The following SFMBT1 variants were observed in gnomAD, a reference collection of about 807,000 sequenced individuals.
SFMBT1 encodes Scm like with four mbt domains 1, also known as scm-like with four MBT domains protein 1.
In SFMBT1, 32 loss-of-function variants were observed where a neutral mutation model predicts 108.7. The ratio of observed to expected loss-of-function variants is 0.29; its 90% CI spans 0.22 to 0.40. The LOEUF is 0.40. Ranked by LOEUF, SFMBT1 falls within the 10% of genes least tolerant of loss-of-function variation. The pLI is 1.00. For synonymous variants in SFMBT1, 348 were observed against 369.5 expected (o/e 0.94, Z 0.67); for missense variants, 816 against 1,059.6 (o/e 0.77, Z 3.19).
chr3:52,955,134 G>A (rs1703737109), intron 2 of SFMBT1, among the ~76,000 whole-genome samples: 1 of 151,876 alleles, frequency 6.6e-6, no homozygotes, highest in South Asian at 2.1e-4. Flanking sequence ...CTGGTTTTTT[G>A]AAAAAATTAA....
chr3:52,938,901 G>A (rs1703102612), intron 4 of SFMBT1, among the ~76,000 whole-genome samples: 1 of 152,148 alleles, frequency 6.6e-6, no homozygotes, highest in Admixed American at 6.5e-5. Flanking sequence ...GCCTTAGGAA[G>A]GGCTCATGGG....
chr3:52,974,826 T>C (rs928733477), intron 1 of SFMBT1, among the ~76,000 whole-genome samples: 6 of 57,508 alleles, frequency 1.0e-4, no homozygotes, highest in Admixed American at 2.1e-4. Context: ...CCTGTCTCTA[T>C]AAAAAGTAAA....
intron 1 of SFMBT1, among the ~76,000 whole-genome samples, chr3:53,004,196 T>C (rs1698656142): frequency 6.7e-6 from 1 of 148,958 alleles, no homozygotes; most frequent in Admixed American, 6.8e-5. Context: ...CTTCCTTCCT[T>C]CCTTCTTCCC....
intron 1 of SFMBT1, among the ~76,000 whole-genome samples, chr3:52,983,351 T>C (rs538859702): frequency 1.3e-5 from 2 of 152,342 alleles, no homozygotes; most frequent in East Asian, 3.9e-4. Flanking sequence ...ATATATAACA[T>C]ATAAAATACG....
chr3:52,945,136 T>TAAAAAAAAAAAATAAAAA (rs1553636663), intron 3 of SFMBT1, among the ~76,000 whole-genome samples: 1 of 48,512 alleles, frequency 2.1e-5, no homozygotes, highest in Non-Finnish European at 4.5e-5. Context: ...ACCTTCCAAT[T>TAAAAAAAAAAAATAAAAA]AAAAAAAAAA....
At chr3:52,918,883 T>A (rs1213228129) in intron 12 of SFMBT1, among the ~76,000 whole-genome samples, 2 of 152,062 alleles carry the variant, frequency 1.3e-5, no homozygotes, top group African/African-American at 4.8e-5. Context: ...ACTGGCTTCA[T>A]GGAAGACAAT....
intron 1 of SFMBT1, among the ~76,000 whole-genome samples, chr3:52,987,294 G>A (rs1704958941): frequency 6.6e-6 from 1 of 152,092 alleles, no homozygotes; most frequent in Non-Finnish European, 1.5e-5. Context: ...TATATATTAT[G>A]ATCAAGTATT....
At chr3:53,017,183 A>G (rs913277483) in intron 1 of SFMBT1, among the ~76,000 whole-genome samples, 1 of 152,208 alleles carries the variant, frequency 6.6e-6, no homozygotes, top group African/African-American at 2.4e-5. Flanking sequence ...AAACACACCC[A>G]AGCTGTTAGA....
At chr3:53,001,707 A>G (rs1698552789) in intron 1 of SFMBT1, among the ~76,000 whole-genome samples, 1 of 148,756 alleles carries the variant, frequency 6.7e-6, no homozygotes, top group African/African-American at 2.4e-5. Flanking sequence ...CAGGAGTTTG[A>G]GACCAGCCTG....
At chr3:53,041,185 G>A (rs1036563971) in intron 1 of SFMBT1, among the ~76,000 whole-genome samples, 1 of 151,346 alleles carries the variant, frequency 6.6e-6, no homozygotes, top group Non-Finnish European at 1.5e-5. Flanking sequence ...AACTAAATAA[G>A]GTTATAAACA....
chr3:52,929,641 G>A (rs986687371), intron 8 of SFMBT1, among the ~76,000 whole-genome samples: 2 of 152,148 alleles, frequency 1.3e-5, no homozygotes, highest in African/African-American at 4.8e-5. Context: ...ATCCCTCCTT[G>A]CTTTGAGAAT....
At chr3:53,022,958 G>T (rs548768708) in intron 1 of SFMBT1, among the ~76,000 whole-genome samples, 1 of 152,214 alleles carries the variant, frequency 6.6e-6, no homozygotes, top group African/African-American at 2.4e-5. Context: ...ACTTAAAAAT[G>T]GTTAAGATGC....
Position 53,045,937 on chromosome 3 carries a change from G to C in SFMBT1, c.-252C>G, listed in dbSNP as rs944521596. The C allele has an allele frequency of 7.3e-5, 11 of 150,908 alleles. No homozygotes were observed. The highest frequency in any genetic ancestry group is 6.6e-4 in the Admixed American group (10 of 15,180). The allele number at this position is 150,908 out of a possible 1,614,324, so 9.3% of individuals were successfully genotyped here. ...CGCGGAAGCTTTTTCCTCCCGTGCTGCCCGCGCTCGCCCGCTCGCGCCCTC... is the reference window on the plus strand; with the variant it reads ...CGCGGAAGCTTTTTCCTCCCGTGCTCCCCGCGCTCGCCCGCTCGCGCCCTC... On this transcript the variant is annotated 5_prime_UTR_variant, in exon 1 of 21. Transcript: ENST00000394752.
chr3:52,989,187 G>A (rs910825152), intron 1 of SFMBT1, among the ~76,000 whole-genome samples: 1 of 151,968 alleles, frequency 6.6e-6, no homozygotes, highest in African/African-American at 2.4e-5. Context: ...ATATTACAAA[G>A]GTGGCCAGTT....
In SFMBT1 at chr3:52,928,389, T is replaced by A. The variant is rs756274364; in HGVS notation, c.898-48A>T. 5 of 1,587,768 alleles carry A rather than the reference T, an allele frequency of 3.1e-6. 1 individual carries two copies. In the South Asian group the frequency reaches 4.5e-5, roughly 14 times the overall value. On this transcript the variant is annotated intron_variant, in intron 8 of 20. Transcript: ENST00000394752. ...AAATAGACAAATGCACACATATATA[T>A]GTGCTTTCTCCTTGGCACAGCCAAA...
intron 16 of SFMBT1, 90 bp from the exon 17 acceptor site, chr3:52,911,268 T>A: frequency 1.5e-6 from 2 of 1,372,220 alleles, no homozygotes; most frequent in South Asian, 1.4e-5. Context: ...AAAAAATATT[T>A]TTGCTTCTTG....
Position 52,910,995 on chromosome 3 carries a change from T to C in SFMBT1, c.1906+8A>G. The C allele has an allele frequency of 6.2e-7, 1 of 1,613,814 alleles. No homozygotes were observed. Among genetic ancestry groups the C allele is most frequent in the Non-Finnish European group, 8.5e-7 (1 of 1,179,750 alleles). ...CTATGGTTAACACATTGGAAAAACATGACTCACTGTATTTGGTCTTTGTAA... is the reference window on the plus strand; with the variant it reads ...CTATGGTTAACACATTGGAAAAACACGACTCACTGTATTTGGTCTTTGTAA... On this transcript the variant is annotated splice_region_variant and intron_variant, in intron 17 of 20. Coordinates refer to ENST00000394752, the MANE Select transcript of SFMBT1 (RefSeq NM_016329.4).
chr3:52,968,001 A>G (rs1193312230), intron 2 of SFMBT1, among the ~76,000 whole-genome samples: 1 of 152,260 alleles, frequency 6.6e-6, no homozygotes, highest in Non-Finnish European at 1.5e-5. Flanking sequence ...AATTGTTAAT[A>G]GCAACTTATG....
intron 1 of SFMBT1, among the ~76,000 whole-genome samples, chr3:53,031,161 T>C (rs547004911): frequency 6.6e-6 from 1 of 152,292 alleles, no homozygotes; most frequent in Admixed American, 6.5e-5. Flanking sequence ...AGTGCATTGA[T>C]TCCATTAACA....
Sources: allele counts gnomAD v4.1 joint callset (sites outside exome capture counted in the v4.1 genomes callset), GRCh38; gene constraint gnomAD v4.1.1; transcripts MANE v1.5; gene names NCBI Gene and HGNC (gene_info 2026-07-23, HGNC 2026-07-21).